ZSWIM6: variants seen among roughly 807,000 people sequenced by gnomAD.
ZSWIM6 encodes zinc finger SWIM-type containing 6.
Under a neutral mutation model 113.2 loss-of-function variants are expected in ZSWIM6, and 9 were observed. That is an observed-to-expected ratio of 0.08 (90% CI 0.05 to 0.14). ZSWIM6 has a LOEUF of 0.14. Among genes scored for constraint, ZSWIM6 ranks in the 10% least tolerant of loss-of-function variants. The probability of loss-of-function intolerance (pLI) is 1.00; values close to 1 mark genes in which losing one functional copy is unlikely to be tolerated. For synonymous variants in ZSWIM6, 611 were observed against 606.5 expected (o/e 1.01, Z -0.11); for missense variants, 1,162 against 1,552.2 (o/e 0.75, Z 4.22).
intron 1 of ZSWIM6, among the ~76,000 whole-genome samples, chr5:61,428,692 A>C (rs1444762313): frequency 6.6e-6 from 1 of 152,152 alleles, no homozygotes; most frequent in Non-Finnish European, 1.5e-5. Flanking sequence ...TTTATTTTTT[A>C]AAAATTACAG....
chr5:61,382,606 C>T (rs1267759772), intron 1 of ZSWIM6, among the ~76,000 whole-genome samples: 1 of 152,086 alleles, frequency 6.6e-6, no homozygotes, highest in East Asian at 1.9e-4. Context: ...GAGTTTGAGA[C>T]CAGCCTGGCC....
chr5:61,356,199 A>G (rs755362683), intron 1 of ZSWIM6, among the ~76,000 whole-genome samples: 18 of 152,190 alleles, frequency 1.2e-4, no homozygotes, highest in Non-Finnish European at 2.2e-4. Flanking sequence ...CTCGGGTTCA[A>G]GTGATCTTCC....
chr5:61,531,037 G>T (rs923593327), intron 8 of ZSWIM6, among the ~76,000 whole-genome samples: 1 of 152,170 alleles, frequency 6.6e-6, no homozygotes, highest in Non-Finnish European at 1.5e-5. Context: ...AAAAGGACTT[G>T]AAATTGGGTT....
chr5:61,343,689 A>G (rs1744594615), intron 1 of ZSWIM6, among the ~76,000 whole-genome samples: 1 of 152,024 alleles, frequency 6.6e-6, no homozygotes. Context: ...TTTTCTATTA[A>G]CTCATTTCTA....
At chr5:61,464,191 T>TTTTG (rs1747379436) in intron 1 of ZSWIM6, among the ~76,000 whole-genome samples, 1 of 116,958 alleles carries the variant, frequency 8.6e-6, no homozygotes, top group Non-Finnish European at 1.8e-5. Flanking sequence ...TTTTTTTTTT[T>TTTTG]GCATTTTTAG....
At chr5:61,530,722 T>C (rs1464898893) in intron 8 of ZSWIM6, among the ~76,000 whole-genome samples, 2 of 152,186 alleles carry the variant, frequency 1.3e-5, no homozygotes, top group Non-Finnish European at 2.9e-5. Flanking sequence ...GAATCTTGAC[T>C]AAAAAGACTG....
rs375763707 is a variant in ZSWIM6 at position 61,384,662 on chromosome 5, G to C, written c.676+51714G>C. 2.6e-5 allele frequency among the ~76,000 whole-genome samples: 4 copies of C among 152,152 alleles called. No homozygotes were observed. The East Asian group carries it at 7.7e-4, about 29-fold the overall frequency. ...GACTTTGAATGTTGATGGAATATTA[G>C]AACTTTTGTGTCCCCCAAACTGCTT... On this transcript the variant is annotated intron_variant, in intron 1 of 13. Transcript: ENST00000252744.
chr5:61,340,429 C>T (rs887691292), intron 1 of ZSWIM6, among the ~76,000 whole-genome samples: 3 of 152,118 alleles, frequency 2.0e-5, no homozygotes, highest in African/African-American at 7.2e-5. Context: ...AATGTTGTAA[C>T]CACATGCATA....
intron 4 of ZSWIM6, among the ~76,000 whole-genome samples, chr5:61,506,851 T>C (rs1044317447): frequency 5.9e-5 from 9 of 152,138 alleles, no homozygotes; most frequent in Admixed American, 5.9e-4. Context: ...AGAACAAAAA[T>C]AAATATGATA....
chr5:61,441,845 A>G (rs1746841156), intron 1 of ZSWIM6, among the ~76,000 whole-genome samples: 1 of 152,170 alleles, frequency 6.6e-6, no homozygotes, highest in Non-Finnish European at 1.5e-5. Flanking sequence ...CTGCCACCTT[A>G]CAGTGTTTGG....
At chr5:61,445,108 C>T (rs146043450) in intron 1 of ZSWIM6, among the ~76,000 whole-genome samples, 554 of 152,182 alleles carry the variant, frequency 3.6e-3, no homozygotes, top group Non-Finnish European at 6.5e-3. Context: ...TTATGCAATA[C>T]TCATTGCATA....
chr5:61,391,626 T>G (rs1001105487), intron 1 of ZSWIM6: 1 of 921,776 alleles, frequency 1.1e-6, no homozygotes. Context: ...CCACCATGGG[T>G]GGTATCTCCA....
At chr5:61,393,723 G>A (rs1160775029) in intron 1 of ZSWIM6, among the ~76,000 whole-genome samples, 9 of 122,506 alleles carry the variant, frequency 7.3e-5, no homozygotes, top group African/African-American at 1.2e-4. Flanking sequence ...GGGTGACAGA[G>A]CGAAACTATC....
At chr5:61,366,823 G>C (rs1745164256) in intron 1 of ZSWIM6, among the ~76,000 whole-genome samples, 2 of 151,914 alleles carry the variant, frequency 1.3e-5, no homozygotes, top group African/African-American at 2.4e-5. Flanking sequence ...CAGCTACTTG[G>C]GGGGCTGAGG....
At chr5:61,474,255 G>A (rs1337558192) in intron 2 of ZSWIM6, among the ~76,000 whole-genome samples, 5 of 152,218 alleles carry the variant, frequency 3.3e-5, no homozygotes, top group South Asian at 2.1e-4. Context: ...TATGATTCTT[G>A]TATTACCTGA....
At chr5:61,383,666 C>T (rs1026526138) in intron 1 of ZSWIM6, among the ~76,000 whole-genome samples, 3 of 151,750 alleles carry the variant, frequency 2.0e-5, no homozygotes, top group African/African-American at 7.3e-5. Context: ...CTTCTCAAGT[C>T]CTCCTGAGTA....
At chr5:61,360,336 T>C (rs1026698867) in intron 1 of ZSWIM6, among the ~76,000 whole-genome samples, 1 of 152,228 alleles carries the variant, frequency 6.6e-6, no homozygotes, top group Non-Finnish European at 1.5e-5. Context: ...TTGGAAAATA[T>C]AGTTTATAGA....
intron 2 of ZSWIM6, among the ~76,000 whole-genome samples, chr5:61,478,142 G>C (rs1052915274): frequency 6.6e-6 from 1 of 152,144 alleles, no homozygotes; most frequent in Non-Finnish European, 1.5e-5. Flanking sequence ...GGTGTTGACG[G>C]TTGGTAAAAC....
In ZSWIM6 at chr5:61,543,398, G is replaced by A. The variant is rs562901073; in HGVS notation, c.2786-57G>A. ...CACTGGTTGTAAAAGTCAAAATAAG[G>A]CAGGACCTCTGGGCAGCCTCCTCGT... is the stretch of plus-strand genomic sequence containing the variant. On this transcript the variant is annotated intron_variant, in intron 13 of 13. Coordinates refer to ENST00000252744, the MANE Select transcript of ZSWIM6 (RefSeq NM_020928.2). The surrounding 1 kb of genome is among the most constrained non-coding windows in gnomAD (Gnocchi z 4.3). The A allele has an allele frequency of 6.7e-6, 10 of 1,492,294 alleles. No individual in the cohort carries two copies. The Admixed American group carries it at 1.8e-4, about 26-fold the overall frequency. The allele number at this position is 1,492,294 out of a possible 1,614,324, so 92.4% of individuals were successfully genotyped here.
Sources: allele counts gnomAD v4.1 joint callset (sites outside exome capture counted in the v4.1 genomes callset), GRCh38; gene constraint gnomAD v4.1.1; non-coding constraint Gnocchi (gnomAD v3.1); transcripts MANE v1.5; gene names NCBI Gene and HGNC (gene_info 2026-07-23, HGNC 2026-07-21).